Variants in WDR26 observed in about 807,000 individuals in gnomAD.
WDR26 encodes WD repeat-containing protein 26.
Under a neutral mutation model 84.1 loss-of-function variants are expected in WDR26, and 5 were observed. The observed-to-expected ratio is 0.06, with a 90% CI of 0.03 to 0.13. WDR26 has a LOEUF of 0.13. Among genes scored for constraint, WDR26 ranks in the 10% least tolerant of loss-of-function variants. WDR26 has a pLI of 1.00. For missense variants in WDR26, 642 were observed against 974.9 expected (o/e 0.66, Z 4.55); for synonymous variants, 415 against 389.6 (o/e 1.07, Z -0.77).
At position 224,400,879 on chromosome 1, in the gene WDR26, G is replaced by T. The variant is rs372222004; in HGVS notation, c.1719+71C>A. Reference sequence around the variant, plus strand: ...ATACTTTGTAAGATACTGAGTCAAGGAAATTGTTTAAACAAAAGTACATTT... The same window carrying T: ...ATACTTTGTAAGATACTGAGTCAAGTAAATTGTTTAAACAAAAGTACATTT... On this transcript the variant is annotated intron_variant, in intron 9 of 13. Transcript: ENST00000414423. 9 of 1,573,980 alleles carry T rather than the reference G, an allele frequency of 5.7e-6. No individual in the cohort carries two copies. In the East Asian group the frequency reaches 2.0e-4, roughly 36 times the overall value.
At chr1:224,403,582 C>A (rs1284753880) in intron 8 of WDR26, among the ~76,000 whole-genome samples, 1 of 152,178 alleles carries the variant, frequency 6.6e-6, no homozygotes, top group Non-Finnish European at 1.5e-5. Context: ...AAATAACAAA[C>A]TGAACCTAAT....
chr1:224,411,275 T>C (rs1024788553), intron 7 of WDR26, 152 bp downstream of exon 7: 1 of 747,056 alleles, frequency 1.3e-6, no homozygotes, highest in Non-Finnish European at 1.9e-6. Context: ...TTACATATAT[T>C]ATCTATACAA....
chr1:224,411,639 T>C, intron 6 of WDR26, 74 bp from the exon 7 acceptor site: 1 of 1,434,486 alleles, frequency 7.0e-7, no homozygotes, highest in Non-Finnish European at 9.3e-7. Flanking sequence ...GTTAAATAAC[T>C]GACAAAACTT....
intron 4 of WDR26, among the ~76,000 whole-genome samples, chr1:224,421,038 T>C (rs2102915753): frequency 6.6e-6 from 1 of 152,376 alleles, no homozygotes; most frequent in Non-Finnish European, 1.5e-5. Context: ...CTTGTGAAAA[T>C]ACATATTAAA....
intron 6 of WDR26, among the ~76,000 whole-genome samples, chr1:224,416,114 A>C (rs1673895649): frequency 6.6e-6 from 1 of 152,182 alleles, no homozygotes; most frequent in Admixed American, 6.5e-5. Flanking sequence ...GGTAAGTAGG[A>C]GCATAGAGTG....
In WDR26 at chr1:224,398,116, G is replaced by A. The variant is rs1158494321; in HGVS notation, c.2055C>T (p.Phe685=). Residue 685 remains phenylalanine (F), a synonymous_variant, in exon 12 of 14, where the codon TTC becomes TTT. Coordinates refer to ENST00000414423, the MANE Select transcript of WDR26 (RefSeq NM_001379403.1). ...ATTTACCTTCACTGCCACTAGCGAT[G>A]AAGTCTTCATTATGGCCTCCAAAAC... 1 of 1,613,336 alleles carries A rather than the reference G, an allele frequency of 6.2e-7. No homozygotes were observed. Among genetic ancestry groups the A allele is most frequent in the Admixed American group, 1.7e-5 (1 of 59,862 alleles).
At chr1:224,413,227 C>T (rs565912616) in intron 6 of WDR26, 2 of 859,922 alleles carry the variant, frequency 2.3e-6, no homozygotes, top group African/African-American at 1.8e-5. Flanking sequence ...CCAAAAAAAA[C>T]GTTATTTAAA....
chr1:224,419,739 G>T, intron 4 of WDR26, 124 bp from the exon 5 acceptor site: 3 of 682,770 alleles, frequency 4.4e-6, no homozygotes, highest in Non-Finnish European at 7.7e-6. Context: ...TTTCTACAGT[G>T]GACTCAATTC....
chr1:224,417,967 T>C (rs1395875357), intron 6 of WDR26, among the ~76,000 whole-genome samples: 1 of 152,208 alleles, frequency 6.6e-6, no homozygotes, highest in Non-Finnish European at 1.5e-5. Context: ...ATGATCTTTA[T>C]GTGCAGTAAA....
chr1:224,434,661 G>T lies in WDR26; in HGVS notation c.-256C>A, dbSNP rs1482756626. 1.2e-6 allele frequency: 1 copy of T among 803,224 alleles called. No homozygotes were observed. Among genetic ancestry groups the T allele is most frequent in the Non-Finnish European group, 1.5e-6 (1 of 666,546 alleles). 49.8% of individuals were successfully genotyped at this position (803,224 alleles called of 1,614,324 possible). A position where few individuals can be genotyped will look rare whatever the true frequency, so the allele number is the denominator to read the frequency against. Reference sequence around the variant, plus strand: ...GGGCGGCTGCGGGGGCGCGGGGCCCGCCGCTGGGCTGAGCCCCGGCAGTGG... The same window carrying T: ...GGGCGGCTGCGGGGGCGCGGGGCCCTCCGCTGGGCTGAGCCCCGGCAGTGG... On this transcript the variant is annotated 5_prime_UTR_variant, in exon 1 of 14. Coordinates refer to ENST00000414423, the MANE Select transcript of WDR26 (RefSeq NM_001379403.1).
chr1:224,389,965 C>A, intron 13 of WDR26, 105 bp from the exon 14 acceptor site: 1 of 820,028 alleles, frequency 1.2e-6, no homozygotes, highest in Non-Finnish European at 1.9e-6. Context: ...AGCATTATGA[C>A]ATTACAAAAT....
intron 7 of WDR26, among the ~76,000 whole-genome samples, chr1:224,408,169 A>T (rs1032931202): frequency 3.3e-5 from 5 of 152,218 alleles, no homozygotes; most frequent in African/African-American, 1.2e-4. Context: ...AGTCTACCTA[A>T]AACTCTTCCC....
intron 1 of WDR26, 66 bp downstream of exon 1, chr1:224,433,618 C>CCA: frequency 2.7e-6 from 3 of 1,096,286 alleles, no homozygotes; most frequent in Non-Finnish European, 3.5e-6. Context: ...CCGCCCCTTC[C>CCA]CCTACCCCCC....
chr1:224,401,702 G>GGAAAAAAAAAAA (rs1553354190), intron 8 of WDR26, among the ~76,000 whole-genome samples: 1 of 97,768 alleles, frequency 1.0e-5, no homozygotes, highest in Non-Finnish European at 1.9e-5. Flanking sequence ...AAAAAAAAAA[G>GGAAAAAAAAAAA]AAAAAAGAAA....
At position 224,434,295 on chromosome 1, in the gene WDR26, C is replaced by T; in HGVS notation, c.111G>A (p.Glu37=). Residue 37 remains glutamate, a synonymous_variant, in exon 1 of 14, where the codon GAG becomes GAA. Transcript: ENST00000414423. ...CCGAAGCCCCGGGCTCTCCTACTCCCTCCGCCGCCGAGGCTCGGGGTTTCT... is the reference window on the plus strand; with the variant it reads ...CCGAAGCCCCGGGCTCTCCTACTCCTTCCGCCGCCGAGGCTCGGGGTTTCT... 1 of 1,236,828 alleles carries T rather than the reference C, an allele frequency of 8.1e-7. No individual in the cohort carries two copies. The highest frequency in any genetic ancestry group is 1.0e-6 in the Non-Finnish European group (1 of 990,856). 76.6% of individuals were successfully genotyped at this position (1,236,828 alleles called of 1,614,324 possible).
intron 8 of WDR26, among the ~76,000 whole-genome samples, chr1:224,401,695 A>G (rs1236455334): frequency 5.0e-4 from 52 of 104,088 alleles, no homozygotes; most frequent in Non-Finnish European, 5.8e-4. Flanking sequence ...AAAAAGAAAA[A>G]AAAAAAGAAA....
chr1:224,420,352 G>A (rs1020373830), intron 4 of WDR26, among the ~76,000 whole-genome samples: 3 of 152,148 alleles, frequency 2.0e-5, no homozygotes, highest in Non-Finnish European at 2.9e-5. Context: ...TCAGAAGAAT[G>A]GGCTTTGAAA....
At chr1:224,423,926 C>T (rs981388868) in intron 4 of WDR26, among the ~76,000 whole-genome samples, 4 of 152,166 alleles carry the variant, frequency 2.6e-5, no homozygotes, top group African/African-American at 9.7e-5. Flanking sequence ...CCTTTGGGTA[C>T]TCTAACATTT....
intron 12 of WDR26, among the ~76,000 whole-genome samples, chr1:224,395,001 T>A (rs1673221367): frequency 1.3e-5 from 2 of 152,078 alleles, no homozygotes; most frequent in South Asian, 4.1e-4. Flanking sequence ...ACAATCAAAA[T>A]CCCCTACAGC....
Sources: gnomAD v4.1 joint callset for allele counts (sites outside exome capture counted in the v4.1 genomes callset) on GRCh38, gnomAD v4.1.1 for gene constraint, MANE v1.5 for transcripts, NCBI Gene and HGNC (gene_info 2026-07-23, HGNC 2026-07-21) for gene names.